The following WDR17 variants were observed in gnomAD, a reference collection of about 807,000 sequenced individuals.
The protein encoded by WDR17 is WD repeat domain 17, also known as WD repeat-containing protein 17.
WDR17 carries 143 observed loss-of-function variants against 161.7 expected under a neutral mutation model. That is an observed-to-expected ratio of 0.88 (90% CI 0.77 to 1.02). The LOEUF is 1.02. Among genes scored for constraint, WDR17 ranks in the 50% least tolerant of loss-of-function variants. The probability of loss-of-function intolerance (pLI) is 0.00; values close to 1 mark genes in which losing one functional copy is unlikely to be tolerated. For synonymous variants in WDR17, 517 were observed against 515.6 expected (o/e 1.00, Z -0.04); for missense variants, 1,469 against 1,520.9 (o/e 0.97, Z 0.57).
rs575827938 is a variant in WDR17, at chr4:176,177,080, G to A, written c.3472G>A (p.Val1158Met). Residue 1158 changes from valine (V) to methionine (M), a missense_variant, in exon 27 of 29, where the codon GTG becomes ATG. Transcript: ENST00000508596. ...CAGTCAGCTATTAAAACGTCGGGAG[G>A]TGTCAGTACCTTTAAAAATTGAATA... is the stretch of plus-strand genomic sequence containing the variant. Reference protein sequence around the residue: ...YTSQLLKRREVSVPLKIEYLS... With the variant: ...YTSQLLKRREMSVPLKIEYLS... The A allele has an allele frequency of 2.5e-6, 4 of 1,613,832 alleles. No individual in the cohort carries two copies. The highest frequency in any genetic ancestry group is 3.3e-4 in the Middle Eastern group (2 of 6,058).
At chr4:176,092,903 G>A (rs1489453746) in intron 1 of WDR17, among the ~76,000 whole-genome samples, 6 of 152,074 alleles carry the variant, frequency 3.9e-5, no homozygotes, top group Admixed American at 3.3e-4. Context: ...TTAGCCGGGT[G>A]TGGTGGCGCA....
intron 9 of WDR17, among the ~76,000 whole-genome samples, chr4:176,138,536 G>T (rs2126780229): frequency 6.6e-6 from 1 of 151,742 alleles, no homozygotes; most frequent in Non-Finnish European, 1.5e-5. Flanking sequence ...TACCCTTTCA[G>T]TTTAGCAATG....
chr4:176,084,256 C>T (rs1164585375), intron 1 of WDR17, among the ~76,000 whole-genome samples: 2 of 152,006 alleles, frequency 1.3e-5, no homozygotes, highest in Non-Finnish European at 1.5e-5. Context: ...GCATTTGGTT[C>T]GGGTCTCAGG....
chr4:176,129,271 A>G (rs1742977533), intron 6 of WDR17, among the ~76,000 whole-genome samples: 2 of 152,146 alleles, frequency 1.3e-5, no homozygotes, highest in South Asian at 4.1e-4. Context: ...CAACCTAAAT[A>G]TTCAAATTAT....
chr4:176,146,021 A>G lies in WDR17; in HGVS notation c.1556A>G (p.Asp519Gly). The G allele has an allele frequency of 6.2e-7, 1 of 1,613,850 alleles. No homozygotes were observed. Among genetic ancestry groups the G allele is most frequent in the Non-Finnish European group, 8.5e-7 (1 of 1,179,854 alleles). The change falls in exon 12 of 29, where the codon GAC becomes GGC. Residue 519 changes from aspartate to glycine, a missense_variant. Asp to Gly is a moderately conservative substitution (Grantham distance 94). Transcript: ENST00000508596. The part of the protein sequence containing the change: ...NKDMIATGCE[D>G]TNVRVYYVAT... ...GACATGATAGCCACTGGCTGTGAAGACACAAATGTTCGTGTTTATTATGTA... is the reference window on the plus strand; with the variant it reads ...GACATGATAGCCACTGGCTGTGAAGGCACAAATGTTCGTGTTTATTATGTA...
At chr4:176,174,263 C>T (rs1010775787) in intron 25 of WDR17, among the ~76,000 whole-genome samples, 2 of 152,032 alleles carry the variant, frequency 1.3e-5, no homozygotes, top group Non-Finnish European at 2.9e-5. Context: ...ATGCAGAAGA[C>T]GTTCTTTACT....
rs1253757261 is a variant in WDR17, at chr4:176,181,647, C to T, written c.*2068C>T. 1 of 154,042 alleles carries T rather than the reference C, an allele frequency of 6.5e-6. No homozygotes were observed. Among genetic ancestry groups the T allele is most frequent in the South Asian group, 2.1e-4 (1 of 4,876 alleles). The allele number at this position is 154,042 out of a possible 1,614,324, so 9.5% of individuals were successfully genotyped here. Reference sequence around the variant, plus strand: ...TTAACTGGCACATATGTACTAAAAACCCCTCACTTAAAAATGGCAGTCTCA... The same window carrying T: ...TTAACTGGCACATATGTACTAAAAATCCCTCACTTAAAAATGGCAGTCTCA... On this transcript the variant is annotated 3_prime_UTR_variant, in exon 29 of 29. Coordinates refer to ENST00000508596, the MANE Select transcript of WDR17 (RefSeq NM_181265.4).
At chr4:176,155,944 G>A (rs940295991) in intron 17 of WDR17, 135 bp from the exon 18 acceptor site, 3 of 738,484 alleles carry the variant, frequency 4.1e-6, no homozygotes, top group Non-Finnish European at 6.3e-6. Context: ...AAGTCAGAAA[G>A]TACCAAATCA....
At position 176,102,945 on chromosome 4, in the gene WDR17, GA is replaced by G. The variant is rs1275246105; in HGVS notation, c.-6-8622del. ...CAAGCAGCTTATGTGAACCAGGGTA[GA>G]AAAAAAAGCACTCTGTCCTTTATAT... On this transcript the variant is annotated intron_variant, in intron 1 of 28. Coordinates refer to ENST00000508596, the MANE Select transcript of WDR17 (RefSeq NM_181265.4). Among the ~76,000 whole-genome samples, 3 of 151,796 alleles carry G rather than the reference GA, an allele frequency of 2.0e-5. No individual in the cohort carries two copies. In the East Asian group the frequency reaches 5.8e-4, roughly 29 times the overall value.
intron 1 of WDR17, among the ~76,000 whole-genome samples, chr4:176,091,185 T>C (rs1451472405): frequency 6.6e-6 from 1 of 152,190 alleles, no homozygotes; most frequent in African/African-American, 2.4e-5. Flanking sequence ...ATCCAACAGC[T>C]GCAGAATACA....
At chr4:176,116,080 C>T in intron 3 of WDR17, 101 bp downstream of exon 3, 1 of 1,172,648 alleles carries the variant, frequency 8.5e-7, no homozygotes. Context: ...TGTTTTCAAA[C>T]TTCTTAATGG....
rs376873222 is a variant in WDR17, at chr4:176,164,891, A to G, written c.2990+1598A>G. ...TCTAGTTATCTCTCTATCAAGAGCT[A>G]TAATAGTCAATTACCTAGGGACTTG... On this transcript the variant is annotated intron_variant, in intron 22 of 28. Transcript: ENST00000508596. Among the ~76,000 whole-genome samples the G allele has an allele frequency of 1.6e-3, 247 of 152,284 alleles. 1 individual carries two copies. Among genetic ancestry groups the G allele is most frequent in the African/African-American group, 5.8e-3 (240 of 41,556 alleles).
At chr4:176,117,554 T>C (rs1740843949) in intron 3 of WDR17, among the ~76,000 whole-genome samples, 2 of 152,096 alleles carry the variant, frequency 1.3e-5, no homozygotes, top group South Asian at 4.1e-4. Context: ...TCACCTAGTG[T>C]ATCCATGGAT....
At chr4:176,138,674 C>T (rs1744785199) in intron 9 of WDR17, among the ~76,000 whole-genome samples, 2 of 151,758 alleles carry the variant, frequency 1.3e-5, no homozygotes, top group African/African-American at 4.8e-5. Flanking sequence ...TATATCTTTA[C>T]TCATTAGATC....
chr4:176,133,875 G>C (rs117463279), intron 7 of WDR17, among the ~76,000 whole-genome samples: 1 of 151,378 alleles, frequency 6.6e-6, no homozygotes. Flanking sequence ...AATTTTCCTC[G>C]TCTTACTCAC....
intron 1 of WDR17, among the ~76,000 whole-genome samples, chr4:176,083,497 T>G (rs1735022054): frequency 6.6e-6 from 1 of 152,278 alleles, no homozygotes; most frequent in African/African-American, 2.4e-5. Flanking sequence ...TTTCATTATT[T>G]GTGAGTTTCA....
chr4:176,100,291 A>G (rs1737610595), intron 1 of WDR17, among the ~76,000 whole-genome samples: 2 of 152,000 alleles, frequency 1.3e-5, no homozygotes, highest in South Asian at 4.1e-4. Context: ...GTGGAAGATT[A>G]TATCTCATTG....
At chr4:176,150,717 G>A (rs1746982402) in intron 16 of WDR17, 124 bp downstream of exon 16, 1 of 955,932 alleles carries the variant, frequency 1.0e-6, no homozygotes, top group Non-Finnish European at 1.4e-6. Context: ...TGAACACTGA[G>A]GAGATCCATC....
At chr4:176,108,050 A>G (rs889712633) in intron 1 of WDR17, among the ~76,000 whole-genome samples, 5 of 145,326 alleles carry the variant, frequency 3.4e-5, no homozygotes, top group African/African-American at 1.3e-4. Flanking sequence ...CCTCTCCCCT[A>G]TCCCCCAAGA....
Sources: gnomAD v4.1 joint callset for allele counts (sites outside exome capture counted in the v4.1 genomes callset) on GRCh38, gnomAD v4.1.1 for gene constraint, MANE v1.5 for transcripts, NCBI Gene and HGNC (gene_info 2026-07-23, HGNC 2026-07-21) for gene names.